AKR1E2: variants seen among roughly 807,000 people sequenced by gnomAD.
The protein encoded by AKR1E2 is 1,5-anhydro-D-fructose reductase.
Under a neutral mutation model 41.9 loss-of-function variants are expected in AKR1E2, and 43 were observed. That is an observed-to-expected ratio of 1.03 (90% CI 0.80 to 1.32). AKR1E2 has a LOEUF of 1.32. Among genes scored for constraint, AKR1E2 ranks in the 40% most tolerant of loss-of-function variants. AKR1E2 has a pLI of 0.00. For synonymous variants in AKR1E2, 121 were observed against 138.9 expected (o/e 0.87, Z 0.91); for missense variants, 423 against 396.5 (o/e 1.07, Z -0.57).
intron 8 of AKR1E2, among the ~76,000 whole-genome samples, chr10:4,842,729 C>G (rs1358541235): frequency 6.6e-6 from 1 of 152,152 alleles, no homozygotes; most frequent in Non-Finnish European, 1.5e-5. Context: ...TCTTCTCCAT[C>G]CAGCCCAAGA....
intron 6 of AKR1E2, among the ~76,000 whole-genome samples, chr10:4,841,344 G>A (rs1316664431): frequency 6.6e-6 from 1 of 152,182 alleles, no homozygotes; most frequent in Non-Finnish European, 1.5e-5. Flanking sequence ...GGTTCCACGT[G>A]TTCACAATAT....
At chr10:4,841,330 T>A (rs1196340684) in intron 6 of AKR1E2, among the ~76,000 whole-genome samples, 1 of 152,206 alleles carries the variant, frequency 6.6e-6, no homozygotes, top group Non-Finnish European at 1.5e-5. Context: ...AAACCACTTT[T>A]AAAGGTTCCA....
chr10:4,835,569 G>C, intron 3 of AKR1E2, 106 bp from the exon 4 acceptor site: 4 of 1,406,016 alleles, frequency 2.8e-6, no homozygotes, highest in Non-Finnish European at 3.8e-6. Context: ...CCAGGCTGGG[G>C]TTGCTTAGTG....
chr10:4,845,735 G>T (rs1330165940), intron 8 of AKR1E2: 2 of 470,980 alleles, frequency 4.2e-6, no homozygotes, highest in Non-Finnish European at 8.8e-6. Flanking sequence ...AATGTGACAC[G>T]GGGACCTTGG....
the AKR1E2 span, among the ~76,000 whole-genome samples, chr10:4,865,586 CCACT>C: frequency 3.3e-5 from 5 of 152,040 alleles, no homozygotes; most frequent in African/African-American, 4.8e-5. Context: ...TCCCTTTTCC[CCACT>C]CAAACTAGCA....
the AKR1E2 span, among the ~76,000 whole-genome samples, chr10:4,861,473 C>A: frequency 6.6e-6 from 1 of 151,982 alleles, no homozygotes; most frequent in African/African-American, 2.4e-5. Context: ...TGGGTTAAAG[C>A]GATTCTTGTG....
At chr10:4,869,130 A>C in the AKR1E2 span, among the ~76,000 whole-genome samples, 4 of 152,120 alleles carry the variant, frequency 2.6e-5, no homozygotes, top group African/African-American at 9.7e-5. Flanking sequence ...TTCTTCTATA[A>C]ACATTTATAA....
intron 3 of AKR1E2, 51 bp downstream of exon 3, chr10:4,833,517 G>C: frequency 3.4e-6 from 5 of 1,477,932 alleles, no homozygotes; most frequent in Non-Finnish European, 4.7e-6. Flanking sequence ...CTTCCTCCCC[G>C]TGCTCACACC....
chr10:4,846,843 C>T (rs968734628), intron 8 of AKR1E2, among the ~76,000 whole-genome samples: 23 of 152,202 alleles, frequency 1.5e-4, no homozygotes, highest in African/African-American at 4.8e-4. Context: ...CGCGCCCAGC[C>T]GCTATAACTT....
rs759186827 is a variant in AKR1E2 at position 4,837,596 on chromosome 10, G to A, written c.582+15G>A. 7 of 1,610,512 alleles carry A rather than the reference G, an allele frequency of 4.3e-6. No individual in the cohort carries two copies. In the South Asian group the frequency reaches 6.6e-5, roughly 15 times the overall value. On this transcript the variant is annotated intron_variant, in intron 5 of 9. Coordinates refer to ENST00000298375, the MANE Select transcript of AKR1E2 (RefSeq NM_001040177.3). The stretch of plus-strand genomic sequence containing the variant: ...TAACCAACCAGGTAAGCCGATGGAA[G>A]CATCAGAGAGTTTAACCTGTGTGGC...
At chr10:4,836,565 C>T (rs1193674964) in intron 4 of AKR1E2, among the ~76,000 whole-genome samples, 1 of 152,178 alleles carries the variant, frequency 6.6e-6, no homozygotes, top group Non-Finnish European at 1.5e-5. Context: ...TAGGACAGAG[C>T]TTGCTGGGTG....
the AKR1E2 span, among the ~76,000 whole-genome samples, chr10:4,869,534 T>C: frequency 1.3e-5 from 2 of 152,050 alleles, no homozygotes; most frequent in Non-Finnish European, 2.9e-5. Flanking sequence ...TCAGCTCCTC[T>C]ATTTATTATT....
At chr10:4,825,932 G>C (rs995894478), upstream of AKR1E2, among the ~76,000 whole-genome samples, 1 of 152,210 alleles carries the variant, frequency 6.6e-6, no homozygotes, top group Non-Finnish European at 1.5e-5. Context: ...CTAAGGTGGG[G>C]GCGTGAGCGG....
chr10:4,839,418 C>T (rs1003141584), intron 5 of AKR1E2, among the ~76,000 whole-genome samples: 14 of 151,862 alleles, frequency 9.2e-5, no homozygotes, highest in Admixed American at 4.6e-4. Context: ...AAATAAAGGC[C>T]GGGGGAGATG....
At chr10:4,846,235 T>C in intron 8 of AKR1E2, 1 of 205,578 alleles carries the variant, frequency 4.9e-6, no homozygotes, top group Non-Finnish European at 1.0e-5. Context: ...GTCCTTGCAT[T>C]GGAATCACTC....
intron 3 of AKR1E2, among the ~76,000 whole-genome samples, chr10:4,834,012 G>A (rs1833191675): frequency 6.6e-6 from 1 of 152,186 alleles, no homozygotes; most frequent in Non-Finnish European, 1.5e-5. Flanking sequence ...CTGTCACTAA[G>A]CTACCCCAGT....
intron 2 of AKR1E2, 127 bp downstream of exon 2, chr10:4,830,969 C>T (rs1037264759): frequency 3.7e-5 from 43 of 1,176,958 alleles, no homozygotes; most frequent in African/African-American, 3.5e-4. Flanking sequence ...AGAATATTCA[C>T]AGCTTCATGA....
Position 4,841,884 on chromosome 10 carries a change from A to G in AKR1E2, c.753+27A>G, listed in dbSNP as rs2278869. 0.043 allele frequency: 68,286 copies of G among 1,605,806 alleles called. 1,807 individuals carry two copies. Among genetic ancestry groups the G allele is most frequent in the East Asian group, 0.12 (5,490 of 44,676 alleles). On this transcript the variant is annotated intron_variant, in intron 7 of 9. Coordinates refer to ENST00000298375, the MANE Select transcript of AKR1E2 (RefSeq NM_001040177.3). Reference sequence around the variant, plus strand: ...TAGGGAGGGAGGGCTGTTCTGAGCCAGGTGGGGTTCTCTGACCGCTCTACA... The same window carrying G: ...TAGGGAGGGAGGGCTGTTCTGAGCCGGGTGGGGTTCTCTGACCGCTCTACA...
At chr10:4,837,334 A>T in intron 4 of AKR1E2, 125 bp from the exon 5 acceptor site, 6 of 1,353,764 alleles carry the variant, frequency 4.4e-6, no homozygotes, top group East Asian at 2.4e-5. Flanking sequence ...TTGAAGCTTC[A>T]AGTAAAATAT....
Sources: gnomAD v4.1 joint callset for allele counts (sites outside exome capture counted in the v4.1 genomes callset) on GRCh38, gnomAD v4.1.1 for gene constraint, MANE v1.5 for transcripts, NCBI Gene and HGNC (gene_info 2026-07-23, HGNC 2026-07-21) for gene names.